The following EBF3 variants were observed in gnomAD, a reference collection of about 807,000 sequenced individuals.
The protein encoded by EBF3 is transcription factor COE3.
Under a neutral mutation model 77.1 loss-of-function variants are expected in EBF3, and 18 were observed. The observed-to-expected ratio is 0.23, with a 90% confidence interval of 0.16 to 0.35. The LOEUF (loss-of-function observed/expected upper bound fraction) is 0.35. EBF3 is among the 10% of genes least tolerant of loss of function. The pLI is 1.00. For synonymous variants in EBF3, 350 were observed against 343.5 expected (o/e 1.02, Z -0.21); for missense variants, 558 against 860.0 (o/e 0.65, Z 4.39).
chr10:129,951,136 G>GCC (rs1858645815), intron 6 of EBF3, among the ~76,000 whole-genome samples: 1 of 152,168 alleles, frequency 6.6e-6, no homozygotes, highest in Non-Finnish European at 1.5e-5. Flanking sequence ...GCTTTGACGA[G>GCC]GCCAGCTTCT....
intron 6 of EBF3, among the ~76,000 whole-genome samples, chr10:129,913,566 C>T (rs923130712): frequency 6.6e-6 from 1 of 152,280 alleles, no homozygotes; most frequent in African/African-American, 2.4e-5. Flanking sequence ...CCCAGCCTGA[C>T]GGTCCTGAGG....
At chr10:129,960,130 T>C (rs866820971) in intron 4 of EBF3, among the ~76,000 whole-genome samples, 43 of 150,402 alleles carry the variant, frequency 2.9e-4, no homozygotes, top group Non-Finnish European at 4.9e-4. Flanking sequence ...AAAAAAAGTC[T>C]ACTGGGGGAG....
At chr10:129,905,596 C>A (rs1214631228) in intron 6 of EBF3, among the ~76,000 whole-genome samples, 6 of 152,148 alleles carry the variant, frequency 3.9e-5, no homozygotes, top group African/African-American at 9.7e-5. Flanking sequence ...GGCCTCCCCA[C>A]TCCATGAAGA....
rs920461730 is a variant in EBF3, at chr10:129,943,612, GT to G, written c.554+13645del. Reference sequence around the variant, plus strand: ...CCAGCCGGGCTTGGGAACAAGACAGGTCCCCGGCGTGCACATCCAAAGTTTG... The same window carrying G: ...CCAGCCGGGCTTGGGAACAAGACAGGCCCCGGCGTGCACATCCAAAGTTTG... On this transcript the variant is annotated intron_variant, in intron 6 of 16. Coordinates refer to ENST00000440978, the MANE Select transcript of EBF3 (RefSeq NM_001375380.1). The surrounding 1 kb of genome is among the most constrained non-coding windows in gnomAD (Gnocchi z 8.8). 4.0e-4 allele frequency among the ~76,000 whole-genome samples: 61 copies of G among 152,170 alleles called. No homozygotes were observed. The highest frequency in any genetic ancestry group is 3.9e-3 in the Admixed American group (60 of 15,284).
At chr10:129,929,500 C>T (rs1323176432) in intron 6 of EBF3, among the ~76,000 whole-genome samples, 1 of 152,208 alleles carries the variant, frequency 6.6e-6, no homozygotes, top group African/African-American at 2.4e-5. Context: ...GCCACCATGC[C>T]CGGCCAGGAG....
Position 129,960,113 on chromosome 10 carries a change from GA to G in EBF3, c.412-1107del, listed in dbSNP as rs572584659. Among the ~76,000 whole-genome samples, 801 of 114,688 alleles carry G rather than the reference GA, an allele frequency of 7.0e-3. 3 individuals carry two copies. Among genetic ancestry groups the G allele is most frequent in the Middle Eastern group, 0.013 (3 of 238 alleles). 75.2% of individuals were successfully genotyped at this position (114,688 alleles called of 152,430 possible). ...ACTGGCCTCGCGAAAAAACAGAAAA[GA>G]AAAAAAAAAAAAGTCTACTGGGGGA... is the stretch of plus-strand genomic sequence containing the variant. On this transcript the variant is annotated intron_variant, in intron 4 of 16. Transcript: ENST00000440978.
intron 6 of EBF3, among the ~76,000 whole-genome samples, chr10:129,916,321 C>T (rs905178366): frequency 4.6e-5 from 7 of 152,172 alleles, no homozygotes; most frequent in Admixed American, 1.3e-4. Context: ...CCTCAGGCTC[C>T]GCAACTTCAA....
At chr10:129,867,345 AC>A (rs1852096102) in intron 9 of EBF3, 78 bp from the exon 10 acceptor site, 1 of 1,583,548 alleles carries the variant, frequency 6.3e-7, no homozygotes, top group Non-Finnish European at 8.6e-7. Context: ...GGATATAATT[AC>A]CAAAATGAGC....
intron 6 of EBF3, among the ~76,000 whole-genome samples, chr10:129,912,030 G>A (rs970204944): frequency 1.3e-5 from 2 of 152,202 alleles, no homozygotes; most frequent in African/African-American, 2.4e-5. Flanking sequence ...GTCCACCTGC[G>A]TGGGACTCCC....
rs1267609625 is a variant in EBF3 at position 129,879,482 on chromosome 10, C to T, written c.555-1633G>A. ...CAACGGACCAAGACTCATCTAAGTG[C>T]CCCCCCAGCATATCCTGGATGACTT... On this transcript the variant is annotated intron_variant, in intron 6 of 16. Coordinates refer to ENST00000440978, the MANE Select transcript of EBF3 (RefSeq NM_001375380.1). This position sits in a 1 kb window ranked among gnomAD's most constrained non-coding sequence, Gnocchi z 4.7. Among the ~76,000 whole-genome samples the T allele has an allele frequency of 3.3e-5, 5 of 151,996 alleles. No individual in the cohort carries two copies. Among genetic ancestry groups the T allele is most frequent in the Non-Finnish European group, 7.4e-5 (5 of 67,984 alleles).
chr10:129,859,313 C>A (rs781688972), intron 10 of EBF3, among the ~76,000 whole-genome samples: 4 of 152,160 alleles, frequency 2.6e-5, no homozygotes, highest in Non-Finnish European at 5.9e-5. Flanking sequence ...CCTCCGCCTC[C>A]CGGGTTCAAG....
intron 10 of EBF3, among the ~76,000 whole-genome samples, chr10:129,856,875 G>A (rs560602876): frequency 2.0e-5 from 3 of 152,326 alleles, no homozygotes; most frequent in Admixed American, 6.5e-5. Flanking sequence ...TGAAACTAAC[G>A]TTTCTCATCT....
In EBF3 at chr10:129,959,566, G is replaced by A. The variant is rs969240110; in HGVS notation, c.412-559C>T. Among the ~76,000 whole-genome samples the A allele has an allele frequency of 2.6e-5, 4 of 152,064 alleles. No individual in the cohort carries two copies. The East Asian group carries it at 7.8e-4, about 30-fold the overall frequency. On this transcript the variant is annotated intron_variant, in intron 4 of 16. Transcript: ENST00000440978. Reference sequence around the variant, plus strand: ...CCCGCCCTGCCCTGCGCGCTCCCCCGGCTCTAGCAAGTCTGGCGCCCCGCG... The same window carrying A: ...CCCGCCCTGCCCTGCGCGCTCCCCCAGCTCTAGCAAGTCTGGCGCCCCGCG...
In EBF3 at chr10:129,848,156, C is replaced by T. The variant is rs1055906131; in HGVS notation, c.1128+236G>A. On this transcript the variant is annotated intron_variant, in intron 11 of 16. Coordinates refer to ENST00000440978, the MANE Select transcript of EBF3 (RefSeq NM_001375380.1). This position sits in a 1 kb window ranked among gnomAD's most constrained non-coding sequence, Gnocchi z 4.4. ...TCTTTGCTTCCCTTAAAAAGATGGT[C>T]CTTTGGAGATGAGATGTAAAACTCG... Among the ~76,000 whole-genome samples the T allele has an allele frequency of 6.6e-6, 1 of 152,180 alleles. No individual in the cohort carries two copies. The highest frequency in any genetic ancestry group is 1.5e-5 in the Non-Finnish European group (1 of 68,040).
intron 6 of EBF3, among the ~76,000 whole-genome samples, chr10:129,901,033 G>T (rs1854740687): frequency 6.6e-6 from 1 of 152,160 alleles, no homozygotes; most frequent in Non-Finnish European, 1.5e-5. Context: ...TAATTCTTTG[G>T]GCTGGTAAGT....
chr10:129,953,031 T>TAAAA, intron 6 of EBF3, among the ~76,000 whole-genome samples: 1 of 64,738 alleles, frequency 1.5e-5, no homozygotes, highest in South Asian at 4.2e-4. Flanking sequence ...CACTGTTGAC[T>TAAAA]AAAAAAAAAA....
At chr10:129,915,499 A>ACACACACACAC (rs59533376) in intron 6 of EBF3, among the ~76,000 whole-genome samples, 7 of 91,294 alleles carry the variant, frequency 7.7e-5, no homozygotes, top group South Asian at 4.5e-4. Flanking sequence ...CACACACACA[A>ACACACACACAC]AAAAGCCAAG....
intron 6 of EBF3, among the ~76,000 whole-genome samples, chr10:129,922,415 C>A (rs1246729209): frequency 6.6e-6 from 1 of 152,232 alleles, no homozygotes; most frequent in African/African-American, 2.4e-5. Context: ...CCACCCGTGC[C>A]CCCCGGCCCT....
chr10:129,920,978 G>T (rs958521955), intron 6 of EBF3, among the ~76,000 whole-genome samples: 1 of 152,170 alleles, frequency 6.6e-6, no homozygotes, highest in Non-Finnish European at 1.5e-5. Flanking sequence ...TGAGCCTGAG[G>T]TGCCCTCGGT....
Sources: gnomAD v4.1 joint callset for allele counts (sites outside exome capture counted in the v4.1 genomes callset) on GRCh38, gnomAD v4.1.1 for gene constraint, Gnocchi (gnomAD v3.1) non-coding constraint, MANE v1.5 for transcripts, NCBI Gene and HGNC (gene_info 2026-07-23, HGNC 2026-07-21) for gene names.